The following MYCBPAP variants were observed in gnomAD, a reference collection of about 807,000 sequenced individuals.
MYCBPAP encodes MYCBP-associated protein.
Under a neutral mutation model 106.1 loss-of-function variants are expected in MYCBPAP, and 60 were observed. That is an observed-to-expected ratio of 0.57 (90% CI 0.46 to 0.70). The LOEUF is 0.70. Among genes scored for constraint, MYCBPAP ranks in the 30% least tolerant of loss-of-function variants. MYCBPAP has a pLI of 0.00. For missense variants in MYCBPAP, 1,064 were observed against 1,169.3 expected (o/e 0.91, Z 1.31); for synonymous variants, 407 against 440.6 (o/e 0.92, Z 0.95).
At chr17:50,517,138 C>A (rs761898504) in intron 2 of MYCBPAP, among the ~76,000 whole-genome samples, 155 bp from the exon 3 acceptor site, 10 of 152,138 alleles carry the variant, frequency 6.6e-5, no homozygotes, top group Admixed American at 2.0e-4. Context: ...ATATCTGTTA[C>A]ACAGGCATTT....
chr17:50,515,649 A>G (rs1261607499), intron 1 of MYCBPAP, among the ~76,000 whole-genome samples: 1 of 152,186 alleles, frequency 6.6e-6, no homozygotes, highest in Non-Finnish European at 1.5e-5. Flanking sequence ...AGGAAGCTGT[A>G]TTCATAAAAC....
At chr17:50,530,068 A>T in intron 18 of MYCBPAP, 1 of 358,894 alleles carries the variant, frequency 2.8e-6, no homozygotes, top group Non-Finnish European at 5.6e-6. Flanking sequence ...ATCTCATTTG[A>T]TCAAAAGTTC....
intron 12 of MYCBPAP, 140 bp from the exon 13 acceptor site, chr17:50,524,737 T>TGTGTGTGTGTGAGAGAGAGAGA: frequency 2.9e-6 from 1 of 343,018 alleles, no homozygotes; most frequent in African/African-American, 2.6e-5. Flanking sequence ...TGTGTGTGTG[T>TGTGTGTGTGTGAGAGAGAGAGA]GAGAGAGAGA....
At chr17:50,518,011 C>G (rs2034115967) in intron 4 of MYCBPAP, among the ~76,000 whole-genome samples, 1 of 152,248 alleles carries the variant, frequency 6.6e-6, no homozygotes, top group Non-Finnish European at 1.5e-5. Flanking sequence ...TCATTTCCCT[C>G]TGCTCTGTGC....
Position 50,519,002 on chromosome 17 carries a change from G to T in MYCBPAP, c.681G>T (p.Leu227=). ...ACCTAAAGAAGCCAGTGAGTGAGCTGCTCATGCACACCGGGGAGACCTACA... is the reference window on the plus strand; with the variant it reads ...ACCTAAAGAAGCCAGTGAGTGAGCTTCTCATGCACACCGGGGAGACCTACA... ...SEHLKKPVSE[L]LMHTGETYRR... is the part of the protein sequence containing the mutation. The change falls in exon 6 of 19, where the codon CTG becomes CTT. Residue 227 remains leucine (L), a synonymous_variant. Coordinates refer to ENST00000323776, the MANE Select transcript of MYCBPAP (RefSeq NM_032133.6). 7 of 1,614,086 alleles carry T rather than the reference G, an allele frequency of 4.3e-6. No homozygotes were observed. The highest frequency in any genetic ancestry group is 5.9e-6 in the Non-Finnish European group (7 of 1,180,026).
At chr17:50,510,930 A>G (rs528000877) in intron 1 of MYCBPAP, among the ~76,000 whole-genome samples, 2 of 152,040 alleles carry the variant, frequency 1.3e-5, no homozygotes, top group East Asian at 3.9e-4. Flanking sequence ...TTTCTGGGAG[A>G]TCGTATCAGA....
chr17:50,509,601 G>T (rs73351677), intron 1 of MYCBPAP: 1 of 152,454 alleles, frequency 6.6e-6, no homozygotes, highest in South Asian at 1.8e-4. Flanking sequence ...TCGCTGTGTT[G>T]CCCCAGCTAG....
At chr17:50,516,465 C>A (rs945997898) in intron 1 of MYCBPAP, 105 bp from the exon 2 acceptor site, 2 of 1,344,442 alleles carry the variant, frequency 1.5e-6, no homozygotes, top group Non-Finnish European at 2.0e-6. Context: ...CTCTGCCCCC[C>A]ACCATGGAGT....
upstream of MYCBPAP, chr17:50,508,230 G>T: frequency 3.3e-6 from 1 of 302,072 alleles, no homozygotes; most frequent in Non-Finnish European, 6.0e-6. Context: ...GCAGGGGCTG[G>T]CACCCCCGAC....
At position 50,510,493 on chromosome 17, in the gene MYCBPAP, G is replaced by C. The variant is rs61237950; in HGVS notation, c.76+1743G>C. 944 of 98,986 alleles carry C rather than the reference G, an allele frequency of 9.5e-3. 21 individuals carry two copies. The highest frequency in any genetic ancestry group is 0.043 in the African/African-American group (897 of 20,760). The allele number at this position is 98,986 out of a possible 1,614,324, so 6.1% of individuals were successfully genotyped here. On this transcript the variant is annotated intron_variant, in intron 1 of 18. Transcript: ENST00000323776. ...TATATATGTGTGTGTGTGTGTGTGT[G>C]TGTGTGTATATATATATATATATAT...
rs2034450668 is a variant in MYCBPAP at position 50,526,133 on chromosome 17, A to C, written c.2035A>C (p.Ser679Arg). 1 of 1,613,804 alleles carries C rather than the reference A, an allele frequency of 6.2e-7. No individual in the cohort carries two copies. The highest frequency in any genetic ancestry group is 1.3e-5 in the African/African-American group (1 of 75,054). Residue 679 changes from serine (S) to arginine (R), a missense_variant, in exon 14 of 19, where the codon AGT becomes CGT. Ser to Arg is a moderately radical substitution (Grantham distance 110). Coordinates refer to ENST00000323776, the MANE Select transcript of MYCBPAP (RefSeq NM_032133.6). Reference protein sequence around the residue: ...GSQKARVGTKSPQRKSIMEEI... With the variant: ...GSQKARVGTKRPQRKSIMEEI... ...CCAGAAGGCCAGAGTGGGGACCAAG[A>C]GTCCTCAGCGGAAGAGCATCATGGA... is the stretch of plus-strand genomic sequence containing the variant.
chr17:50,518,924 CTGTT>C, intron 5 of MYCBPAP, 46 bp from the exon 6 acceptor site: 1 of 1,561,264 alleles, frequency 6.4e-7, no homozygotes, highest in Non-Finnish European at 8.8e-7. Context: ...GCCAAGGCCC[CTGTT>C]TGTTCTGGTT....
rs375919229 is a variant in MYCBPAP, at chr17:50,525,877, G to A, written c.1783-4G>A. ...CTCACATGCCTTCCCATCCTCTGCTGCAGCTGCATTATGAGCACCAAGTGG... is the reference window on the plus strand; with the variant it reads ...CTCACATGCCTTCCCATCCTCTGCTACAGCTGCATTATGAGCACCAAGTGG... On this transcript the variant is annotated splice_polypyrimidine_tract_variant and splice_region_variant and intron_variant, in intron 13 of 18. Coordinates refer to ENST00000323776, the MANE Select transcript of MYCBPAP (RefSeq NM_032133.6). 3.8e-6 allele frequency: 6 copies of A among 1,592,756 alleles called. No homozygotes were observed. The highest frequency in any genetic ancestry group is 5.1e-6 in the Non-Finnish European group (6 of 1,172,124).
chr17:50,515,895 A>G (rs2034031093), intron 1 of MYCBPAP: 3 of 152,142 alleles, frequency 2.0e-5, no homozygotes, highest in African/African-American at 7.3e-5. Flanking sequence ...CTAGTCTTGA[A>G]CTCCTGGGCC....
intron 1 of MYCBPAP, among the ~76,000 whole-genome samples, chr17:50,513,240 A>T (rs1366232838): frequency 1.3e-5 from 2 of 148,798 alleles, no homozygotes; most frequent in African/African-American, 2.5e-5. Flanking sequence ...AAAAAAAAAA[A>T]GCTGGGCATG....
chr17:50,523,936 TC>T, intron 12 of MYCBPAP, 152 bp downstream of exon 12: 1 of 803,174 alleles, frequency 1.2e-6, no homozygotes, highest in Non-Finnish European at 1.9e-6. Flanking sequence ...CACAAACACT[TC>T]CCAGGGCTTG....
At chr17:50,509,923 G>A (rs966394579) in intron 1 of MYCBPAP, 4 of 152,208 alleles carry the variant, frequency 2.6e-5, no homozygotes, top group African/African-American at 7.2e-5. Flanking sequence ...TACGTCTTCT[G>A]AAGAAGGTGA....
At position 50,525,983 on chromosome 17, in the gene MYCBPAP, C is replaced by T. The variant is rs1274859738; in HGVS notation, c.1885C>T (p.His629Tyr). 1 of 1,613,880 alleles carries T rather than the reference C, an allele frequency of 6.2e-7. No homozygotes were observed. The highest frequency in any genetic ancestry group is 8.5e-7 in the Non-Finnish European group (1 of 1,180,040). ...AEEARPGDKE[H>Y]VSPIATEKAS... is the part of the protein sequence containing the mutation. ...GGAGGCCAGGCCAGGGGACAAGGAG[C>T]ACGTCAGCCCCATAGCCACAGAGAA... is the stretch of plus-strand genomic sequence containing the variant. The change falls in exon 14 of 19, where the codon CAC becomes TAC. Residue 629 changes from histidine to tyrosine, a missense_variant. Physicochemically the swap from His to Tyr is moderately conservative, Grantham distance 83. Coordinates refer to ENST00000323776, the MANE Select transcript of MYCBPAP (RefSeq NM_032133.6).
rs990881056 is a variant in MYCBPAP, at chr17:50,525,178, T to C, written c.1782+155T>C. 2.3e-5 allele frequency: 19 copies of C among 836,854 alleles called. No individual in the cohort carries two copies. The East Asian group carries it at 4.2e-4, about 19-fold the overall frequency. 51.8% of individuals were successfully genotyped at this position (836,854 alleles called of 1,614,324 possible). ...GATCAGCGGTGGCATTAGATTCTCA[T>C]AGGAGCACGAATCCCATTGTGAACT... On this transcript the variant is annotated intron_variant, in intron 13 of 18. Coordinates refer to ENST00000323776, the MANE Select transcript of MYCBPAP (RefSeq NM_032133.6).
Sources: gnomAD v4.1 joint callset for allele counts (sites outside exome capture counted in the v4.1 genomes callset) on GRCh38, gnomAD v4.1.1 for gene constraint, MANE v1.5 for transcripts, NCBI Gene and HGNC (gene_info 2026-07-23, HGNC 2026-07-21) for gene names.